The following KMT2C variants were observed in gnomAD, a reference collection of about 807,000 sequenced individuals.
The protein encoded by KMT2C is histone-lysine N-methyltransferase 2C.
Under a neutral mutation model 507.9 loss-of-function variants are expected in KMT2C, and 88 were observed. That is an observed-to-expected ratio of 0.17 (90% CI 0.15 to 0.21). KMT2C has a LOEUF of 0.21. KMT2C is among the 10% of genes least tolerant of loss of function. The pLI is 1.00. For synonymous variants in KMT2C, 2,049 were observed against 2,080.8 expected, an observed-to-expected ratio of 0.98 and a Z score of 0.42; for missense variants, 4,954 against 5,957.8, an observed-to-expected ratio of 0.83 and a Z score of 5.55.
intron 1 of KMT2C, among the ~76,000 whole-genome samples, chr7:152,434,022 T>A (rs941705293): frequency 6.6e-6 from 1 of 152,202 alleles, no homozygotes; most frequent in Non-Finnish European, 1.5e-5. Context: ...TTGCAAATAG[T>A]GAAATGGGAG....
chr7:152,346,711 A>G (rs2097060609), intron 2 of KMT2C, among the ~76,000 whole-genome samples: 1 of 152,184 alleles, frequency 6.6e-6, no homozygotes, highest in South Asian at 2.1e-4. Context: ...CTTAACTACT[A>G]ATAGCCTACT....
At chr7:152,153,095 G>A in intron 48 of KMT2C, 141 bp from the exon 49 acceptor site, 3 of 1,094,010 alleles carry the variant, frequency 2.7e-6, no homozygotes, top group South Asian at 1.9e-5. Flanking sequence ...TAGACTTAAA[G>A]AACCTCAGGA....
chr7:152,354,716 A>C (rs1205699715), intron 2 of KMT2C, among the ~76,000 whole-genome samples: 1 of 152,200 alleles, frequency 6.6e-6, no homozygotes, highest in Non-Finnish European at 1.5e-5. Flanking sequence ...CTGAGAAAGG[A>C]GTATGTTTGG....
intron 6 of KMT2C, among the ~76,000 whole-genome samples, chr7:152,305,754 T>G (rs2096610854): frequency 6.6e-6 from 1 of 152,164 alleles, no homozygotes; most frequent in East Asian, 1.9e-4. Flanking sequence ...TTCCCGTGCT[T>G]TGAACAGGTT....
In KMT2C at chr7:152,346,352, A is replaced by G. The variant is rs181939841; in HGVS notation, c.250+12235T>C. The stretch of plus-strand genomic sequence containing the variant: ...TCTGAGCCATAAAACATACCTTAAC[A>G]GATTTTTAAAAATAGAAATCATACA... On this transcript the variant is annotated intron_variant, in intron 2 of 58. Coordinates refer to ENST00000262189, the MANE Select transcript of KMT2C (RefSeq NM_170606.3). Among the ~76,000 whole-genome samples, 414 of 152,348 alleles carry G rather than the reference A, an allele frequency of 2.7e-3. 4 individuals carry two copies. The highest frequency in any genetic ancestry group is 3.2e-3 in the Non-Finnish European group (215 of 68,044).
At chr7:152,265,708 A>C (rs1448437370) in intron 7 of KMT2C, among the ~76,000 whole-genome samples, 3 of 152,268 alleles carry the variant, frequency 2.0e-5, no homozygotes, top group Admixed American at 6.5e-5. Flanking sequence ...TAAACAGACT[A>C]TTCAAATCAT....
At chr7:152,155,201 G>A (rs992004409) in intron 46 of KMT2C, among the ~76,000 whole-genome samples, 2 of 152,180 alleles carry the variant, frequency 1.3e-5, no homozygotes, top group East Asian at 3.8e-4. Context: ...AGTAGAAAGA[G>A]GACCTGGATC....
intron 1 of KMT2C, among the ~76,000 whole-genome samples, chr7:152,432,753 T>C (rs1364712264): frequency 6.6e-6 from 1 of 152,240 alleles, no homozygotes; most frequent in Non-Finnish European, 1.5e-5. Flanking sequence ...AAATGCTTTA[T>C]TTACCTAATT....
chr7:152,248,636 C>T lies in KMT2C; in HGVS notation c.1814-16G>A, dbSNP rs2129164631. The stretch of plus-strand genomic sequence containing the variant: ...TGGGATGATACTACAAAATTCAGAA[C>T]ATTTGTTATGGCAATGTACAAACAA... On this transcript the variant is annotated splice_polypyrimidine_tract_variant and intron_variant, in intron 13 of 58. Coordinates refer to ENST00000262189, the MANE Select transcript of KMT2C (RefSeq NM_170606.3). The T allele has an allele frequency of 1.3e-6, 2 of 1,534,056 alleles. No individual in the cohort carries two copies. The highest frequency in any genetic ancestry group is 2.3e-5 in the East Asian group (1 of 44,362).
Position 152,263,135 on chromosome 7 carries a change from A to G in KMT2C, c.1185-5T>C. Reference sequence around the variant, plus strand: ...TTGCTATCTTCTCCCGATTGTCTAAAAAATAAGATAGCATTAATGATGCCT... The same window carrying G: ...TTGCTATCTTCTCCCGATTGTCTAAGAAATAAGATAGCATTAATGATGCCT... On this transcript the variant is annotated splice_region_variant and splice_polypyrimidine_tract_variant and intron_variant, in intron 8 of 58. Transcript: ENST00000262189. 6.2e-7 allele frequency: 1 copy of G among 1,603,044 alleles called. No homozygotes were observed. Among genetic ancestry groups the G allele is most frequent in the Non-Finnish European group, 8.5e-7 (1 of 1,175,662 alleles).
At chr7:152,421,630 T>G (rs993444341) in intron 1 of KMT2C, among the ~76,000 whole-genome samples, 17 of 152,160 alleles carry the variant, frequency 1.1e-4, no homozygotes, top group African/African-American at 4.1e-4. Context: ...GTAAGCGAAT[T>G]AATTAACAGA....
At chr7:152,367,892 G>A (rs2097260270) in intron 1 of KMT2C, 2 of 1,064,150 alleles carry the variant, frequency 1.9e-6, no homozygotes, top group Non-Finnish European at 2.9e-6. Flanking sequence ...AGTTTATGAA[G>A]CGTTCGCATG....
chr7:152,307,248 A>AGGAAGGAC (rs1253285455), intron 6 of KMT2C, among the ~76,000 whole-genome samples: 344 of 116,994 alleles, frequency 2.9e-3, no homozygotes, highest in African/African-American at 5.9e-3. Flanking sequence ...GAAGGAAGGA[A>AGGAAGGAC]GGACGGTAGG....
intron 7 of KMT2C, among the ~76,000 whole-genome samples, chr7:152,270,906 T>C (rs1031621102): frequency 6.6e-6 from 1 of 152,224 alleles, no homozygotes; most frequent in Non-Finnish European, 1.5e-5. Flanking sequence ...TATAATGAGA[T>C]GCATGCTTTT....
At chr7:152,342,574 T>G (rs2097006619) in intron 2 of KMT2C, among the ~76,000 whole-genome samples, 6 of 152,068 alleles carry the variant, frequency 3.9e-5, no homozygotes, top group Admixed American at 3.9e-4. Flanking sequence ...GAATCACAAC[T>G]TACCTGAGCA....
chr7:152,284,080 A>G (rs2096261040), intron 6 of KMT2C, among the ~76,000 whole-genome samples: 2 of 152,196 alleles, frequency 1.3e-5, no homozygotes, highest in Admixed American at 1.3e-4. Flanking sequence ...TCTTCTTTTA[A>G]TGACTTTTTC....
At chr7:152,206,192 T>C (rs1440634122) in intron 24 of KMT2C, among the ~76,000 whole-genome samples, 1 of 152,110 alleles carries the variant, frequency 6.6e-6, no homozygotes, top group African/African-American at 2.4e-5. Flanking sequence ...GTCAACACTA[T>C]AAGCTTTTGT....
chr7:152,255,130 T>TATATAC (rs1554583834), intron 9 of KMT2C, among the ~76,000 whole-genome samples: 59 of 123,144 alleles, frequency 4.8e-4, no homozygotes, highest in African/African-American at 2.0e-3. Flanking sequence ...TATATATATA[T>TATATAC]ATATATATAT....
At chr7:152,236,902 G>GT (rs2095285750) in intron 15 of KMT2C, among the ~76,000 whole-genome samples, 1 of 152,138 alleles carries the variant, frequency 6.6e-6, no homozygotes, top group East Asian at 1.9e-4. Flanking sequence ...AAAAGGCTTT[G>GT]TGAAAGCTTT....
Sources: gnomAD v4.1 joint callset for allele counts (sites outside exome capture counted in the v4.1 genomes callset) on GRCh38, gnomAD v4.1.1 for gene constraint, MANE v1.5 for transcripts, NCBI Gene and HGNC (gene_info 2026-07-23, HGNC 2026-07-21) for gene names.